Variants in RAC1 observed in about 807,000 individuals in gnomAD.
RAC1 encodes Rac family small GTPase 1, also known as ras-related C3 botulinum toxin substrate 1.
In RAC1, 2 loss-of-function variants were observed where a neutral mutation model predicts 25.2. That is an observed-to-expected ratio of 0.08 (90% CI 0.03 to 0.25). RAC1 has a LOEUF of 0.25. RAC1 is among the 10% of genes least tolerant of loss of function. The pLI, the probability that RAC1 is intolerant of heterozygous loss-of-function variation, is 1.00. For missense variants in RAC1, 50 were observed against 235.7 expected (o/e 0.21, Z 5.16); for synonymous variants, 88 against 94.0 (o/e 0.94, Z 0.37).
chr7:6,388,704 T>C lies in RAC1; in HGVS notation c.107+1421T>C, dbSNP rs139761759. Among the ~76,000 whole-genome samples, 893 of 152,238 alleles carry C rather than the reference T, an allele frequency of 5.9e-3. 7 individuals are homozygous for C. The highest frequency in any genetic ancestry group is 0.018 in the African/African-American group (748 of 41,540). The stretch of plus-strand genomic sequence containing the variant: ...CTAAATTTATGGGGGAGATTTTCCT[T>C]ATCTACATATGTAGATAAAGGTTTA... On this transcript the variant is annotated intron_variant, in intron 2 of 5. Transcript: ENST00000348035.
intron 1 of RAC1, among the ~76,000 whole-genome samples, chr7:6,382,973 A>G (rs969763613): frequency 1.3e-5 from 2 of 152,240 alleles, no homozygotes; most frequent in African/African-American, 2.4e-5. Context: ...AAGCACAGAT[A>G]GGTTAAAAAA....
intron 3 of RAC1, among the ~76,000 whole-genome samples, chr7:6,396,311 A>G (rs1583268332): frequency 6.6e-6 from 1 of 152,170 alleles, no homozygotes; most frequent in Non-Finnish European, 1.5e-5. Flanking sequence ...AGGGTCAGCC[A>G]GCACAGCCTC....
chr7:6,389,000 AGACCAACCT>A (rs1198248386), intron 2 of RAC1, among the ~76,000 whole-genome samples: 3 of 151,130 alleles, frequency 2.0e-5, no homozygotes, highest in Non-Finnish European at 4.4e-5. Context: ...CAGGAGTTCG[AGACCAACCT>A]GGCCAACATG....
At chr7:6,399,653 G>C (rs1391946083) in intron 3 of RAC1, among the ~76,000 whole-genome samples, 1 of 152,204 alleles carries the variant, frequency 6.6e-6, no homozygotes, top group South Asian at 2.1e-4. Flanking sequence ...TGGAGGGAAG[G>C]GCTCAAGTAG....
At chr7:6,390,559 CA>C (rs1783063266) in intron 2 of RAC1, among the ~76,000 whole-genome samples, 2 of 151,398 alleles carry the variant, frequency 1.3e-5, no homozygotes, top group African/African-American at 4.9e-5. Flanking sequence ...GAGATCGCAC[CA>C]CTGCACTCCA....
chr7:6,401,200 C>A (rs1455415187), intron 4 of RAC1, among the ~76,000 whole-genome samples: 5 of 152,200 alleles, frequency 3.3e-5, no homozygotes, highest in African/African-American at 7.2e-5. Flanking sequence ...AAGTGATCCA[C>A]CCGCCGCAGA....
intron 4 of RAC1, 145 bp from the exon 5 acceptor site, chr7:6,401,723 G>C (rs1783408618): frequency 1.4e-6 from 1 of 719,666 alleles, no homozygotes; most frequent in Admixed American, 2.7e-5. Context: ...GGCTTGAATT[G>C]AAGGTGGGAA....
At chr7:6,381,537 C>T (rs1390590155) in intron 1 of RAC1, among the ~76,000 whole-genome samples, 4 of 151,966 alleles carry the variant, frequency 2.6e-5, no homozygotes, top group Admixed American at 2.0e-4. Flanking sequence ...AGATTACAGG[C>T]GTGTGCCACC....
chr7:6,395,012 A>C (rs544133355), intron 3 of RAC1, among the ~76,000 whole-genome samples: 33 of 152,006 alleles, frequency 2.2e-4, no homozygotes, highest in African/African-American at 7.5e-4. Flanking sequence ...CCGCCACCAC[A>C]CCTGACTAAT....
intron 3 of RAC1, 100 bp from the exon 4 acceptor site, chr7:6,400,026 C>A: frequency 9.3e-7 from 1 of 1,073,004 alleles, no homozygotes; most frequent in Non-Finnish European, 1.4e-6. Flanking sequence ...TAGACACGCT[C>A]TGCGTCCAAC....
chr7:6,395,096 C>T (rs979718883), intron 3 of RAC1, among the ~76,000 whole-genome samples: 2 of 152,100 alleles, frequency 1.3e-5, no homozygotes, highest in African/African-American at 4.8e-5. Flanking sequence ...GCTTGTGATC[C>T]GCCCGCCTTG....
Position 6,403,889 on chromosome 7 carries a change from A to C in RAC1, c.*1443A>C, listed in dbSNP as rs1783490387. On this transcript the variant is annotated 3_prime_UTR_variant, in exon 6 of 6. Coordinates refer to ENST00000348035, the MANE Select transcript of RAC1 (RefSeq NM_006908.5). ...TAAATTGACAGTTGCAGAATTGTGG[A>C]GTGTTTTTACATTGATCTTTTGCTA... 4.5e-6 allele frequency: 1 copy of C among 224,026 alleles called. No individual in the cohort carries two copies. Among genetic ancestry groups the C allele is most frequent in the African/African-American group, 2.2e-5 (1 of 44,798 alleles). 13.9% of individuals were successfully genotyped at this position (224,026 alleles called of 1,614,324 possible). A position where few individuals can be genotyped will look rare whatever the true frequency, so the allele number is the denominator to read the frequency against.
intron 1 of RAC1, among the ~76,000 whole-genome samples, chr7:6,385,742 A>G (rs1474192818): frequency 2.0e-5 from 3 of 152,202 alleles, no homozygotes; most frequent in Non-Finnish European, 4.4e-5. Flanking sequence ...GAAAATGGAA[A>G]AGCGCTTAAC....
intron 3 of RAC1, among the ~76,000 whole-genome samples, chr7:6,394,604 C>G (rs1783178903): frequency 6.6e-6 from 1 of 152,158 alleles, no homozygotes; most frequent in African/African-American, 2.4e-5. Context: ...GATGCTGAGC[C>G]TCCATGTTGG....
chr7:6,401,708 C>G (rs905044152), intron 4 of RAC1, 160 bp from the exon 5 acceptor site: 2 of 647,878 alleles, frequency 3.1e-6, no homozygotes, highest in Non-Finnish European at 5.3e-6. Flanking sequence ...TTCCTTATGG[C>G]TCAAGGCTTG....
chr7:6,386,028 A>G (rs1203722186), intron 1 of RAC1, among the ~76,000 whole-genome samples: 1 of 152,172 alleles, frequency 6.6e-6, no homozygotes, highest in Non-Finnish European at 1.5e-5. Flanking sequence ...AGCCTCTTGA[A>G]AAACATTCCA....
chr7:6,389,812 C>T (rs769842386), intron 2 of RAC1, among the ~76,000 whole-genome samples: 2 of 152,158 alleles, frequency 1.3e-5, no homozygotes. Flanking sequence ...AGGCGTGAGC[C>T]ACCACACCTG....
At chr7:6,396,912 C>G (rs1783252078) in intron 3 of RAC1, among the ~76,000 whole-genome samples, 1 of 152,000 alleles carries the variant, frequency 6.6e-6, no homozygotes, top group South Asian at 2.1e-4. Flanking sequence ...CACCTGTGGT[C>G]CCAGCTACTC....
chr7:6,379,244 C>T (rs910640123), intron 1 of RAC1, among the ~76,000 whole-genome samples: 3 of 149,750 alleles, frequency 2.0e-5, no homozygotes, highest in East Asian at 2.0e-4. Context: ...TGGAACTACA[C>T]GTGCCTGCTA....
Sources: gnomAD v4.1 joint callset for allele counts (sites outside exome capture counted in the v4.1 genomes callset) on GRCh38, gnomAD v4.1.1 for gene constraint, MANE v1.5 for transcripts, NCBI Gene and HGNC (gene_info 2026-07-23, HGNC 2026-07-21) for gene names.